TCF4: variants seen among roughly 807,000 people sequenced by gnomAD.
TCF4 encodes transcription factor 4, also known as SL3-3 enhancer factor 2.
A neutral mutation model predicts 82.1 loss-of-function variants in TCF4; 3 were observed. The observed-to-expected ratio is 0.04, with a 90% CI of 0.02 to 0.09. TCF4 has a LOEUF of 0.09. Among genes scored for constraint, TCF4 ranks in the 10% least tolerant of loss-of-function variants. The pLI is 1.00. For missense variants in TCF4, 518 were observed against 852.7 expected, an observed-to-expected ratio of 0.61 and a Z score of 4.89; for synonymous variants, 276 against 309.6, an observed-to-expected ratio of 0.89 and a Z score of 1.14.
At chr18:55,596,198 C>T (rs1467599786) in intron 2 of TCF4, 1 of 383,462 alleles carries the variant, frequency 2.6e-6, no homozygotes, top group Non-Finnish European at 5.2e-6. Context: ...CCACTGCACT[C>T]CGGTCTGGAT....
At chr18:55,339,455 G>T (rs2079342518) in intron 8 of TCF4, among the ~76,000 whole-genome samples, 1 of 152,166 alleles carries the variant, frequency 6.6e-6, no homozygotes, top group Non-Finnish European at 1.5e-5. Flanking sequence ...CTACAAATGA[G>T]GGGTGGCTAA....
intron 3 of TCF4, among the ~76,000 whole-genome samples, chr18:55,489,971 CCTT>C (rs1398930954): frequency 6.6e-6 from 1 of 152,184 alleles, no homozygotes; most frequent in African/African-American, 2.4e-5. Context: ...AGTGCCAGCT[CCTT>C]CTCCACACGC....
chr18:55,531,399 C>A (rs1041662087), intron 3 of TCF4, among the ~76,000 whole-genome samples: 2 of 152,066 alleles, frequency 1.3e-5, no homozygotes, highest in African/African-American at 4.8e-5. Context: ...AAGAAAGGAT[C>A]GCTAAGTAGA....
intron 6 of TCF4, among the ~76,000 whole-genome samples, chr18:55,393,351 G>A (rs1228517926): frequency 6.6e-6 from 1 of 152,144 alleles, no homozygotes; most frequent in East Asian, 1.9e-4. Context: ...GTGATAGAGT[G>A]AGATCTCGTA....
intron 8 of TCF4, among the ~76,000 whole-genome samples, chr18:55,294,076 A>G (rs1159467129): frequency 6.7e-6 from 1 of 150,136 alleles, no homozygotes; most frequent in East Asian, 2.0e-4. Flanking sequence ...CCTGGCCAAC[A>G]CGGTGAAACT....
chr18:55,233,492 C>T (rs923816039), intron 16 of TCF4, among the ~76,000 whole-genome samples: 9 of 152,086 alleles, frequency 5.9e-5, no homozygotes, highest in Admixed American at 4.6e-4. Flanking sequence ...AGGTTTAGGA[C>T]AAAGAGGGCA....
At position 55,434,476 on chromosome 18, in the gene TCF4, G is replaced by A. The variant is rs548842282; in HGVS notation, c.304+26543C>T. ...GCTGTGTTGCCGAGGCTAGAGTGCA[G>A]TGGCGCGATCTCGGCTCACTGCAAG... On this transcript the variant is annotated intron_variant, in intron 5 of 19. Transcript: ENST00000354452. Among the ~76,000 whole-genome samples, 272 of 143,794 alleles carry A rather than the reference G, an allele frequency of 1.9e-3. 1 individual carries two copies. Among genetic ancestry groups the A allele is most frequent in the Middle Eastern group, 3.8e-3 (1 of 262 alleles). The allele number at this position is 143,794 out of a possible 152,430, so 94.3% of individuals were successfully genotyped here. A position where few individuals can be genotyped will look rare whatever the true frequency, so the allele number is the denominator to read the frequency against.
At chr18:55,589,841 G>T, upstream of TCF4, 1 of 1,004,250 alleles carries the variant, frequency 1.0e-6, no homozygotes, top group African/African-American at 1.7e-5. Context: ...TGCTCCTCCA[G>T]ACAATGACTG....
At chr18:55,346,824 T>C (rs1485282174) in intron 8 of TCF4, among the ~76,000 whole-genome samples, 3 of 152,170 alleles carry the variant, frequency 2.0e-5, no homozygotes, top group Non-Finnish European at 4.4e-5. Flanking sequence ...TTTGTTTCTG[T>C]GTTTGATGAA....
intron 9 of TCF4, among the ~76,000 whole-genome samples, chr18:55,276,807 AT>A (rs1441319299): frequency 6.6e-6 from 1 of 152,246 alleles, no homozygotes; most frequent in African/African-American, 2.4e-5. Flanking sequence ...GTAAAGGCCT[AT>A]TAAAAAGTTA....
At chr18:55,479,170 C>G (rs1335386612) in intron 3 of TCF4, 1 of 152,452 alleles carries the variant, frequency 6.6e-6, no homozygotes, top group African/African-American at 2.4e-5. Flanking sequence ...CCAAACCACT[C>G]TGAAATGCAA....
intron 5 of TCF4, among the ~76,000 whole-genome samples, chr18:55,454,208 T>A (rs1055987311): frequency 1.4e-4 from 22 of 152,178 alleles, no homozygotes; most frequent in African/African-American, 5.3e-4. Context: ...TATAAAATAA[T>A]CTGTGGTGTA....
intron 6 of TCF4, among the ~76,000 whole-genome samples, chr18:55,364,387 G>GCACATGAC (rs1218316497): frequency 6.6e-6 from 1 of 152,120 alleles, no homozygotes; most frequent in African/African-American, 2.4e-5. Context: ...AGCTTCTGTA[G>GCACATGAC]CACATGACCT....
intron 15 of TCF4, among the ~76,000 whole-genome samples, chr18:55,248,469 T>C (rs1434015224): frequency 6.6e-6 from 1 of 152,198 alleles, no homozygotes; most frequent in Non-Finnish European, 1.5e-5. Context: ...GCTGCTCCCA[T>C]GACTATGTAC....
At chr18:55,259,146 A>G (rs1412299983) in intron 13 of TCF4, among the ~76,000 whole-genome samples, 4 of 152,038 alleles carry the variant, frequency 2.6e-5, no homozygotes, top group Admixed American at 1.3e-4. Context: ...AACGCAAGTA[A>G]CTCCACTATA....
intron 2 of TCF4, among the ~76,000 whole-genome samples, chr18:55,624,391 C>G (rs1194231348): frequency 1.3e-5 from 2 of 152,014 alleles, no homozygotes; most frequent in Admixed American, 6.5e-5. Context: ...CCCTAAATGC[C>G]TGGTGGCCCT....
At chr18:55,546,101 C>T (rs577519698) in intron 3 of TCF4, among the ~76,000 whole-genome samples, 61 of 152,086 alleles carry the variant, frequency 4.0e-4, no homozygotes, top group Admixed American at 9.2e-4. Flanking sequence ...TTTGGGAGGC[C>T]GAGGCAGGAG....
intron 5 of TCF4, among the ~76,000 whole-genome samples, chr18:55,404,702 T>TA (rs1277326677): frequency 1.3e-5 from 2 of 152,198 alleles, no homozygotes; most frequent in African/African-American, 2.4e-5. Flanking sequence ...GCAATGTTAT[T>TA]AGAGTATGCC....
chr18:55,410,621 T>G (rs191447253), intron 5 of TCF4, among the ~76,000 whole-genome samples: 1 of 152,088 alleles, frequency 6.6e-6, no homozygotes, highest in South Asian at 2.1e-4. Flanking sequence ...TGCACAGATA[T>G]GAAGTGGTGA....
Sources: gnomAD v4.1 joint callset for allele counts (sites outside exome capture counted in the v4.1 genomes callset) on GRCh38, gnomAD v4.1.1 for gene constraint, MANE v1.5 for transcripts, NCBI Gene and HGNC (gene_info 2026-07-23, HGNC 2026-07-21) for gene names.